The following DCAF6 variants were observed in gnomAD, a reference collection of about 807,000 sequenced individuals.
The protein encoded by DCAF6 is DDB1 and CUL4 associated factor 6.
DCAF6 carries 54 observed loss-of-function variants against 125.1 expected under a neutral mutation model. The ratio of observed to expected loss-of-function variants is 0.43; its 90% confidence interval spans 0.35 to 0.54. DCAF6 has a LOEUF of 0.54. Ranked by LOEUF, DCAF6 falls within the 20% of genes least tolerant of loss-of-function variation. DCAF6 has a pLI of 0.01. For synonymous variants in DCAF6, 371 were observed against 390.4 expected (o/e 0.95, Z 0.58); for missense variants, 934 against 1,161.7 (o/e 0.80, Z 2.85).
At chr1:167,912,538 A>G in the DCAF6 span, among the ~76,000 whole-genome samples, 2 of 152,260 alleles carry the variant, frequency 1.3e-5, no homozygotes, top group Admixed American at 1.3e-4. Flanking sequence ...AATCCCCTGA[A>G]CCCTATGCAA....
At chr1:168,070,356 C>T (rs1692875451) in intron 21 of DCAF6, among the ~76,000 whole-genome samples, 2 of 152,034 alleles carry the variant, frequency 1.3e-5, no homozygotes, top group South Asian at 4.1e-4. Context: ...TATCCAGTGT[C>T]CTGCAGTCCA....
the DCAF6 span, among the ~76,000 whole-genome samples, chr1:167,889,753 C>T: frequency 6.6e-6 from 1 of 152,104 alleles, no homozygotes; most frequent in South Asian, 2.1e-4. Flanking sequence ...TCTTCAGGGT[C>T]CAATATTGGT....
the DCAF6 span, among the ~76,000 whole-genome samples, chr1:167,876,550 G>A: frequency 4.3e-4 from 65 of 152,308 alleles, no homozygotes; most frequent in African/African-American, 1.5e-3. Context: ...GTTTGTGTAT[G>A]TTGGTCTTCC....
At chr1:168,036,805 ATTAG>A (rs1388920897) in intron 12 of DCAF6, among the ~76,000 whole-genome samples, 2 of 152,232 alleles carry the variant, frequency 1.3e-5, no homozygotes, top group Admixed American at 6.5e-5. Context: ...GGAATGGGTT[ATTAG>A]TTTATTTCCA....
At chr1:167,955,329 T>G (rs1254410221) in intron 2 of DCAF6, among the ~76,000 whole-genome samples, 3 of 152,224 alleles carry the variant, frequency 2.0e-5, no homozygotes, top group Non-Finnish European at 4.4e-5. Flanking sequence ...AGGTACCTGC[T>G]TAACTGTTAA....
chr1:168,054,307 G>A (rs983151869), intron 17 of DCAF6, among the ~76,000 whole-genome samples: 2 of 152,098 alleles, frequency 1.3e-5, no homozygotes, highest in Non-Finnish European at 2.9e-5. Context: ...GCAGAGTCCC[G>A]AGCTGGCACA....
chr1:168,068,552 T>TA, intron 21 of DCAF6, 89 bp downstream of exon 21: 1 of 619,220 alleles, frequency 1.6e-6, no homozygotes, highest in Non-Finnish European at 2.4e-6. Context: ...TTTATATATA[T>TA]TTTTTAATAT....
At chr1:168,039,219 T>C (rs1189474090) in intron 13 of DCAF6, among the ~76,000 whole-genome samples, 3 of 152,104 alleles carry the variant, frequency 2.0e-5, no homozygotes, top group Admixed American at 6.5e-5. Context: ...AAAGAATCTT[T>C]ACTTACTATA....
intron 10 of DCAF6, among the ~76,000 whole-genome samples, chr1:168,006,469 A>G (rs1683353953): frequency 6.6e-6 from 1 of 152,196 alleles, no homozygotes; most frequent in Admixed American, 6.5e-5. Context: ...ATTGAGAAAA[A>G]TGATTTGGTG....
chr1:167,974,442 AT>A (rs1480614478), intron 3 of DCAF6, among the ~76,000 whole-genome samples: 1 of 152,188 alleles, frequency 6.6e-6, no homozygotes, highest in Non-Finnish European at 1.5e-5. Flanking sequence ...AATAATTAAA[AT>A]TCAGTTTATT....
At chr1:167,985,216 G>A (rs1679814114) in intron 4 of DCAF6, among the ~76,000 whole-genome samples, 1 of 150,076 alleles carries the variant, frequency 6.7e-6, no homozygotes, top group East Asian at 1.9e-4. Flanking sequence ...TGTGTGGTGT[G>A]TGTGTGTGTG....
chr1:167,943,219 C>A (rs770092272), intron 1 of DCAF6, among the ~76,000 whole-genome samples: 4 of 152,050 alleles, frequency 2.6e-5, no homozygotes, highest in Non-Finnish European at 4.4e-5. Context: ...GAAATTTGGT[C>A]TTTTTTAAAA....
At chr1:167,870,334 C>G in the DCAF6 span, 1 of 1,613,970 alleles carries the variant, frequency 6.2e-7, no homozygotes, top group South Asian at 1.1e-5. Context: ...ATCCCTCATA[C>G]ATTAAGACTT....
At chr1:167,939,502 C>T (rs1181302545) in intron 1 of DCAF6, among the ~76,000 whole-genome samples, 1 of 152,146 alleles carries the variant, frequency 6.6e-6, no homozygotes, top group Non-Finnish European at 1.5e-5. Context: ...GTGGCTTACG[C>T]CTGGAATCCC....
Position 167,978,703 on chromosome 1 carries a change from G to C in DCAF6, c.438+3688G>C, listed in dbSNP as rs76820695. Among the ~76,000 whole-genome samples, 1,053 of 152,172 alleles carry C rather than the reference G, an allele frequency of 6.9e-3. 11 individuals carry two copies. Among genetic ancestry groups the C allele is most frequent in the African/African-American group, 0.024 (984 of 41,510 alleles). On this transcript the variant is annotated intron_variant, in intron 4 of 21. Transcript: ENST00000367840. ...TGCGGTTTGTGTGTTTTGAGAGATG[G>C]GGTCTCACTTTTTCACCCAGGCTGG... is the stretch of plus-strand genomic sequence containing the variant.
the DCAF6 span, among the ~76,000 whole-genome samples, chr1:167,891,737 T>C: frequency 3.6e-4 from 55 of 151,470 alleles, 1 homozygote; most frequent in African/African-American, 1.2e-3. Context: ...GTTAATTAAA[T>C]ACATAGCAAA....
At chr1:168,018,428 A>C (rs1179544521) in intron 11 of DCAF6, among the ~76,000 whole-genome samples, 3 of 152,180 alleles carry the variant, frequency 2.0e-5, no homozygotes, top group African/African-American at 7.2e-5. Flanking sequence ...AAATTCCAAT[A>C]GAAAGTATAT....
the DCAF6 span, chr1:167,901,959 A>C: frequency 6.2e-7 from 1 of 1,609,904 alleles, no homozygotes; most frequent in Non-Finnish European, 8.5e-7. Context: ...CCAACACAGA[A>C]GCACAGGCAC....
chr1:167,951,231 T>G (rs1338784309), intron 1 of DCAF6, among the ~76,000 whole-genome samples: 1 of 152,194 alleles, frequency 6.6e-6, no homozygotes, highest in Non-Finnish European at 1.5e-5. Flanking sequence ...TGAAGAAATG[T>G]ACGAGTGTTT....
Sources: allele counts gnomAD v4.1 joint callset (sites outside exome capture counted in the v4.1 genomes callset), GRCh38; gene constraint gnomAD v4.1.1; transcripts MANE v1.5; gene names NCBI Gene and HGNC (gene_info 2026-07-23, HGNC 2026-07-21).